The following CRTAC1 variants were observed in gnomAD, a reference collection of about 807,000 sequenced individuals.
CRTAC1 encodes the protein acidic secreted protein in cartilage.
Under a neutral mutation model 67.8 loss-of-function variants are expected in CRTAC1, and 37 were observed. The ratio of observed to expected loss-of-function variants is 0.55; its 90% CI spans 0.42 to 0.72. The LOEUF (loss-of-function observed/expected upper bound fraction) is 0.72, where lower values mean the gene tolerates loss of function less well. Among genes scored for constraint, CRTAC1 ranks in the 30% least tolerant of loss-of-function variants. CRTAC1 has a pLI of 0.00. For missense variants in CRTAC1, 780 were observed against 931.6 expected (o/e 0.84, Z 2.12); for synonymous variants, 348 against 371.0 (o/e 0.94, Z 0.71).
intron 14 of CRTAC1, among the ~76,000 whole-genome samples, chr10:97,873,860 C>T (rs1392115597): frequency 6.6e-6 from 1 of 152,238 alleles, no homozygotes; most frequent in Admixed American, 6.5e-5. Context: ...CTCCTCACAG[C>T]TGAACAGGCT....
intron 2 of CRTAC1, among the ~76,000 whole-genome samples, chr10:97,949,103 A>T (rs1564908085): frequency 6.6e-6 from 1 of 152,264 alleles, no homozygotes. Flanking sequence ...TTAGGTTCAC[A>T]GCTGAGAGGA....
chr10:97,887,722 TG>T (rs1447998156), intron 11 of CRTAC1, among the ~76,000 whole-genome samples: 2 of 152,340 alleles, frequency 1.3e-5, no homozygotes, highest in East Asian at 3.9e-4. Context: ...ATCTGTAAGA[TG>T]GGGGTGCTGG....
At chr10:97,939,256 C>A (rs1200194622) in intron 2 of CRTAC1, among the ~76,000 whole-genome samples, 2 of 152,168 alleles carry the variant, frequency 1.3e-5, no homozygotes, top group Non-Finnish European at 2.9e-5. Flanking sequence ...GTCCCTGCAC[C>A]ATGGTAGTAA....
chr10:97,967,354 C>T (rs1039016162), intron 2 of CRTAC1, among the ~76,000 whole-genome samples: 1 of 152,184 alleles, frequency 6.6e-6, no homozygotes, highest in Non-Finnish European at 1.5e-5. Context: ...TTACTGTCTG[C>T]ACTACCAGAT....
At chr10:97,865,887 C>T in intron 14 of CRTAC1, 173 bp from the exon 15 acceptor site, 6 of 983,006 alleles carry the variant, frequency 6.1e-6, no homozygotes, top group Non-Finnish European at 8.6e-6. Context: ...CTGTCCCTCA[C>T]CCCCGTCTGG....
intron 11 of CRTAC1, 106 bp from the exon 12 acceptor site, chr10:97,884,457 G>T (rs915853021): frequency 9.2e-7 from 1 of 1,090,756 alleles, no homozygotes. Flanking sequence ...CATGAATTGA[G>T]CACTGTTCTA....
chr10:97,961,578 G>C (rs1215520186), intron 2 of CRTAC1, among the ~76,000 whole-genome samples: 1 of 152,216 alleles, frequency 6.6e-6, no homozygotes, highest in Non-Finnish European at 1.5e-5. Context: ...ACAGGGAGGA[G>C]ACCGAGCAAG....
intron 3 of CRTAC1, among the ~76,000 whole-genome samples, chr10:97,924,857 G>A (rs1457638450): frequency 6.6e-6 from 1 of 152,058 alleles, no homozygotes; most frequent in Non-Finnish European, 1.5e-5. Flanking sequence ...TGTGAGGGTG[G>A]GAAGTATGTG....
chr10:97,928,837 G>A (rs928045345), intron 3 of CRTAC1, among the ~76,000 whole-genome samples: 9 of 152,026 alleles, frequency 5.9e-5, no homozygotes, highest in Non-Finnish European at 1.5e-5. Flanking sequence ...AGGAGGCAAA[G>A]CATGGCAGGG....
At chr10:97,985,990 A>G (rs1041705465) in intron 2 of CRTAC1, among the ~76,000 whole-genome samples, 4 of 152,190 alleles carry the variant, frequency 2.6e-5, no homozygotes, top group African/African-American at 7.2e-5. Flanking sequence ...CAGAGCACCA[A>G]TGCGGACCAC....
At chr10:97,911,548 G>C (rs1461592892) in intron 5 of CRTAC1, among the ~76,000 whole-genome samples, 1 of 152,198 alleles carries the variant, frequency 6.6e-6, no homozygotes. Flanking sequence ...CTGGCCTCCT[G>C]GGTGCCAGCC....
chr10:97,998,854 C>T (rs495652), intron 2 of CRTAC1, among the ~76,000 whole-genome samples: 16,145 of 152,180 alleles, frequency 0.11, 901 homozygotes, highest in South Asian at 0.16. Context: ...TTAACATGTC[C>T]TGAAGTCCTT....
At chr10:97,940,962 C>T (rs1350524102) in intron 2 of CRTAC1, among the ~76,000 whole-genome samples, 3 of 152,198 alleles carry the variant, frequency 2.0e-5, no homozygotes, top group Non-Finnish European at 4.4e-5. Context: ...ATCCCGCCCT[C>T]GGTAGCTCAT....
intron 3 of CRTAC1, among the ~76,000 whole-genome samples, chr10:97,934,683 G>A (rs138801841): frequency 2.3e-4 from 35 of 152,226 alleles, no homozygotes; most frequent in South Asian, 8.3e-4. Context: ...GGCAGTCACC[G>A]GCCTCCAGGA....
At chr10:97,886,079 T>C (rs954057371) in intron 11 of CRTAC1, among the ~76,000 whole-genome samples, 6 of 152,174 alleles carry the variant, frequency 3.9e-5, no homozygotes, top group African/African-American at 1.2e-4. Context: ...GGAGGCCACA[T>C]GCAGACTTGG....
chr10:97,917,534 A>G lies in CRTAC1; in HGVS notation c.681T>C (p.Asp227=), dbSNP rs1470735210. 1 of 1,588,994 alleles carries G rather than the reference A, an allele frequency of 6.3e-7. No homozygotes were observed. The highest frequency in any genetic ancestry group is 1.2e-5 in the South Asian group (1 of 86,096). ...DLSRGILALR[D]VAAEAGVSKY... is the part of the protein sequence containing the mutation. ...TGCTGACCCCAGCCTCAGCAGCCAC[A>G]TCTCTGAGCGCCAGAATGCCCCGGG... The change falls in exon 5 of 15, where the codon GAT becomes GAC. Residue 227 remains aspartate (D), a synonymous_variant. Coordinates refer to ENST00000370597, the MANE Select transcript of CRTAC1 (RefSeq NM_018058.7).
At chr10:97,938,416 C>A (rs929336967) in intron 2 of CRTAC1, among the ~76,000 whole-genome samples, 1 of 152,160 alleles carries the variant, frequency 6.6e-6, no homozygotes, top group Non-Finnish European at 1.5e-5. Context: ...CTCATATGCA[C>A]AGTCTCACTT....
At chr10:97,907,262 A>G (rs1374589872) in intron 6 of CRTAC1, among the ~76,000 whole-genome samples, 1 of 152,208 alleles carries the variant, frequency 6.6e-6, no homozygotes, top group Admixed American at 6.5e-5. Context: ...AGGAAGGACC[A>G]GTTTCTGCTA....
chr10:97,996,279 C>T (rs1308770788), intron 2 of CRTAC1, among the ~76,000 whole-genome samples: 2 of 150,948 alleles, frequency 1.3e-5, no homozygotes, highest in African/African-American at 4.9e-5. Flanking sequence ...AAGAAACTAC[C>T]ATCAGAGTGA....
Sources: gnomAD v4.1 joint callset for allele counts (sites outside exome capture counted in the v4.1 genomes callset) on GRCh38, gnomAD v4.1.1 for gene constraint, MANE v1.5 for transcripts, NCBI Gene and HGNC (gene_info 2026-07-23, HGNC 2026-07-21) for gene names.